PCBP3: variants seen among roughly 807,000 people sequenced by gnomAD.
PCBP3 encodes poly(rC)-binding protein 3.
Under a neutral mutation model 52.7 loss-of-function variants are expected in PCBP3, and 25 were observed. The ratio of observed to expected loss-of-function variants is 0.47; its 90% CI spans 0.35 to 0.66. The LOEUF (loss-of-function observed/expected upper bound fraction) is 0.66. PCBP3 is among the 30% of genes least tolerant of loss of function. The pLI is 0.01. For missense variants in PCBP3, 391 were observed against 490.3 expected, an observed-to-expected ratio of 0.80 and a Z score of 1.91; for synonymous variants, 162 against 183.0, an observed-to-expected ratio of 0.89 and a Z score of 0.93.
intron 1 of PCBP3, among the ~76,000 whole-genome samples, chr21:45,659,337 CTT>C (rs36113182): frequency 7.6e-5 from 6 of 78,732 alleles, no homozygotes; most frequent in East Asian, 3.3e-4. Flanking sequence ...TTTTACTTTC[CTT>C]TTTTTTTTTT....
chr21:45,890,561 G>C (rs1481465356), intron 5 of PCBP3, among the ~76,000 whole-genome samples: 3 of 151,304 alleles, frequency 2.0e-5, no homozygotes, highest in African/African-American at 7.3e-5. Context: ...TTGCTGAGGG[G>C]AATGTAGATA....
intron 4 of PCBP3, among the ~76,000 whole-genome samples, chr21:45,766,803 C>G (rs2089374351): frequency 6.6e-6 from 1 of 152,196 alleles, no homozygotes; most frequent in Non-Finnish European, 1.5e-5. Flanking sequence ...TCTCCTTTCT[C>G]CCTTAGGGCT....
At chr21:45,885,087 G>A (rs1017879236) in intron 5 of PCBP3, among the ~76,000 whole-genome samples, 34 of 152,258 alleles carry the variant, frequency 2.2e-4, no homozygotes, top group African/African-American at 6.5e-4. Flanking sequence ...TTCTCCCAGC[G>A]TAGGCACGCT....
chr21:45,878,940 T>G (rs55681361), intron 5 of PCBP3, among the ~76,000 whole-genome samples: 8,131 of 152,116 alleles, frequency 0.053, 485 homozygotes, highest in African/African-American at 0.14. Flanking sequence ...CCTCTCAAAA[T>G]GAATGGAAAA....
rs1288214127 is a variant in PCBP3 at position 45,800,931 on chromosome 21, G to T, written c.-126+45479G>T. Reference sequence around the variant, plus strand: ...CCTGCATCCTCCCAGGAGATGGGGTGCCTGAGCATGGGGTTCCCGCCTCCT... The same window carrying T: ...CCTGCATCCTCCCAGGAGATGGGGTTCCTGAGCATGGGGTTCCCGCCTCCT... On this transcript the variant is annotated intron_variant, in intron 4 of 17. Coordinates refer to ENST00000681687, the MANE Select transcript of PCBP3 (RefSeq NM_001384156.1). The surrounding 1 kb of genome is among the most constrained non-coding windows in gnomAD (Gnocchi z 5.3). 6.6e-6 allele frequency among the ~76,000 whole-genome samples: 1 copy of T among 152,204 alleles called. No homozygotes were observed. Among genetic ancestry groups the T allele is most frequent in the African/African-American group, 2.4e-5 (1 of 41,448 alleles).
At chr21:45,770,740 C>T (rs553417724) in intron 4 of PCBP3, among the ~76,000 whole-genome samples, 2 of 152,348 alleles carry the variant, frequency 1.3e-5, no homozygotes, top group East Asian at 3.9e-4. Flanking sequence ...TCTGGGTCCC[C>T]CCCAGCCTTG....
intron 5 of PCBP3, among the ~76,000 whole-genome samples, chr21:45,860,934 T>C (rs767798791): frequency 5.3e-5 from 8 of 152,200 alleles, no homozygotes; most frequent in Non-Finnish European, 8.8e-5. Context: ...ACTCCGAGGC[T>C]GCTGGCAGTG....
At chr21:45,857,440 A>T (rs1279876113) in intron 5 of PCBP3, among the ~76,000 whole-genome samples, 3 of 152,170 alleles carry the variant, frequency 2.0e-5, no homozygotes, top group Admixed American at 6.5e-5. Context: ...AGCCAAACAG[A>T]TGCCAATGCT....
intron 9 of PCBP3, among the ~76,000 whole-genome samples, chr21:45,908,697 C>T (rs749111061): frequency 3.3e-5 from 5 of 152,176 alleles, no homozygotes; most frequent in Non-Finnish European, 7.4e-5. Flanking sequence ...CGGGCCACAG[C>T]CTGGACACGC....
At chr21:45,907,370 A>C (rs561290110) in intron 9 of PCBP3, among the ~76,000 whole-genome samples, 2 of 152,252 alleles carry the variant, frequency 1.3e-5, no homozygotes, top group Non-Finnish European at 2.9e-5. Flanking sequence ...CACTGACCTC[A>C]TGGGACGAAA....
intron 2 of PCBP3, among the ~76,000 whole-genome samples, chr21:45,731,940 C>CT (rs1470929463): frequency 1.3e-5 from 2 of 151,770 alleles, no homozygotes; most frequent in African/African-American, 4.8e-5. Context: ...GAACAAAAGG[C>CT]TTTTATATTT....
intron 4 of PCBP3, among the ~76,000 whole-genome samples, chr21:45,811,499 T>TGCA (rs2092686480): frequency 6.6e-6 from 1 of 152,274 alleles, no homozygotes; most frequent in African/African-American, 2.4e-5. Context: ...ATCTCGCCAT[T>TGCA]GCAAGGCCTG....
At chr21:45,845,373 G>T (rs929980741) in intron 4 of PCBP3, among the ~76,000 whole-genome samples, 4 of 152,270 alleles carry the variant, frequency 2.6e-5, no homozygotes, top group Non-Finnish European at 4.4e-5. Flanking sequence ...TTAAGCACCC[G>T]TGTGCACATG....
intron 4 of PCBP3, among the ~76,000 whole-genome samples, chr21:45,786,137 T>TAAAA (rs1220911057): frequency 7.1e-4 from 101 of 141,860 alleles, no homozygotes; most frequent in African/African-American, 2.5e-3. Context: ...AATAAAAAAA[T>TAAAA]AAATAAATAA....
At chr21:45,784,217 A>T (rs574463885) in intron 4 of PCBP3, among the ~76,000 whole-genome samples, 55 of 152,316 alleles carry the variant, frequency 3.6e-4, no homozygotes, top group African/African-American at 1.2e-3. Flanking sequence ...TTCAAAAAAA[A>T]TTTAAGGTGT....
At chr21:45,842,564 C>G (rs62211883) in intron 4 of PCBP3, among the ~76,000 whole-genome samples, 21,135 of 152,100 alleles carry the variant, frequency 0.14, 1,619 homozygotes, top group Middle Eastern at 0.28. Context: ...ATTTTCTTTT[C>G]TCTTTCATGT....
chr21:45,883,210 C>G (rs2095442299), intron 5 of PCBP3, among the ~76,000 whole-genome samples: 2 of 152,142 alleles, frequency 1.3e-5, no homozygotes, highest in South Asian at 4.1e-4. Context: ...TTCTTGTTAT[C>G]TTTCCATGAT....
intron 3 of PCBP3, among the ~76,000 whole-genome samples, chr21:45,747,270 A>G (rs570186150): frequency 2.0e-5 from 3 of 152,316 alleles, no homozygotes; most frequent in South Asian, 2.1e-4. Flanking sequence ...ACCCACCCCC[A>G]TGATTCAATT....
intron 4 of PCBP3, among the ~76,000 whole-genome samples, chr21:45,824,657 G>C (rs1259517883): frequency 1.3e-5 from 2 of 152,174 alleles, no homozygotes; most frequent in Non-Finnish European, 2.9e-5. Context: ...GTGTGGGTGG[G>C]TTTCTGAGGG....
Sources: allele counts gnomAD v4.1 joint callset (sites outside exome capture counted in the v4.1 genomes callset), GRCh38; gene constraint gnomAD v4.1.1; non-coding constraint Gnocchi (gnomAD v3.1); transcripts MANE v1.5; gene names NCBI Gene and HGNC (gene_info 2026-07-23, HGNC 2026-07-21).